The following DIAPH3 variants were observed in gnomAD, a reference collection of about 807,000 sequenced individuals.
DIAPH3 encodes protein diaphanous homolog 3.
In DIAPH3, 117 loss-of-function variants were observed where a neutral mutation model predicts 144.3. That is an observed-to-expected ratio of 0.81 (90% CI 0.70 to 0.95). DIAPH3 has a LOEUF of 0.95. Among genes scored for constraint, DIAPH3 ranks in the 40% least tolerant of loss-of-function variants. The pLI is 0.00. For missense variants in DIAPH3, 1,421 were observed against 1,412.7 expected (o/e 1.01, Z -0.09); for synonymous variants, 519 against 488.9 (o/e 1.06, Z -0.81).
chr13:59,820,269 G>A (rs2040994679), intron 24 of DIAPH3, among the ~76,000 whole-genome samples: 1 of 151,928 alleles, frequency 6.6e-6, no homozygotes, highest in African/African-American at 2.4e-5. Context: ...GAGCTGATCA[G>A]GAGTAAAATG....
chr13:60,126,843 A>G (rs529426459), intron 2 of DIAPH3, among the ~76,000 whole-genome samples: 8 of 152,296 alleles, frequency 5.3e-5, no homozygotes, highest in South Asian at 2.1e-4. Context: ...ATTCAATTCA[A>G]TAAAATTTTG....
chr13:59,976,328 T>C (rs1303393901), intron 14 of DIAPH3, among the ~76,000 whole-genome samples: 1 of 151,970 alleles, frequency 6.6e-6, no homozygotes, highest in Non-Finnish European at 1.5e-5. Context: ...GCTATTTCAA[T>C]ATCATAGCCA....
At chr13:60,088,617 T>C (rs2057829660) in intron 4 of DIAPH3, among the ~76,000 whole-genome samples, 8 of 152,078 alleles carry the variant, frequency 5.3e-5, no homozygotes, top group African/African-American at 2.4e-5. Context: ...ATAATGTATG[T>C]TTATTTTTGA....
intron 14 of DIAPH3, among the ~76,000 whole-genome samples, chr13:59,975,498 T>C (rs1740607222): frequency 6.6e-6 from 1 of 151,954 alleles, no homozygotes; most frequent in Non-Finnish European, 1.5e-5. Context: ...AATTAACGTT[T>C]AGATAATGCT....
chr13:59,913,333 C>T (rs745695326), intron 19 of DIAPH3, among the ~76,000 whole-genome samples: 1 of 152,160 alleles, frequency 6.6e-6, no homozygotes, highest in African/African-American at 2.4e-5. Context: ...CCACACCCTT[C>T]GCAAATCTTA....
intron 17 of DIAPH3, among the ~76,000 whole-genome samples, chr13:59,966,329 T>A (rs2050049805): frequency 6.6e-6 from 1 of 152,092 alleles, no homozygotes; most frequent in Non-Finnish European, 1.5e-5. Flanking sequence ...AGCCAAGCCC[T>A]TACCAAGAAT....
At chr13:60,077,549 G>A (rs1033842937) in intron 4 of DIAPH3, among the ~76,000 whole-genome samples, 4 of 152,018 alleles carry the variant, frequency 2.6e-5, no homozygotes, top group African/African-American at 9.7e-5. Context: ...GTTGCCATAA[G>A]AAAGTATGAC....
At position 60,034,606 on chromosome 13, in the gene DIAPH3, T is replaced by C. The variant is rs553509727; in HGVS notation, c.626+8084A>G. On this transcript the variant is annotated intron_variant, in intron 5 of 27. Transcript: ENST00000400324. ...CACCTCTCCTTGGGCAATTTGGTGATCTGCCGTGCTCAGGAGGTCACCATA... is the reference window on the plus strand; with the variant it reads ...CACCTCTCCTTGGGCAATTTGGTGACCTGCCGTGCTCAGGAGGTCACCATA... The C allele has an allele frequency of 3.3e-5, 5 of 152,292 alleles. No homozygotes were observed. In the South Asian group the frequency reaches 1.0e-3, roughly 32 times the overall value. 9.4% of individuals were successfully genotyped at this position (152,292 alleles called of 1,614,324 possible).
At chr13:60,011,554 TTC>T (rs2053268600) in intron 7 of DIAPH3, among the ~76,000 whole-genome samples, 2 of 152,224 alleles carry the variant, frequency 1.3e-5, no homozygotes, top group Admixed American at 1.3e-4. Flanking sequence ...GACATTTCAC[TTC>T]TTTTTCTTCC....
chr13:59,755,545 T>TA (rs757092543), intron 27 of DIAPH3, among the ~76,000 whole-genome samples: 3 of 151,706 alleles, frequency 2.0e-5, no homozygotes, highest in African/African-American at 4.8e-5. Context: ...CCACACTGAT[T>TA]AAAAAAAGAG....
intron 25 of DIAPH3, among the ~76,000 whole-genome samples, chr13:59,799,596 T>G (rs962127053): frequency 6.6e-6 from 1 of 152,230 alleles, no homozygotes; most frequent in African/African-American, 2.4e-5. Context: ...TTGACATATG[T>G]CATATCTTGT....
intron 27 of DIAPH3, among the ~76,000 whole-genome samples, chr13:59,730,388 A>C (rs1297929113): frequency 6.6e-6 from 1 of 152,196 alleles, no homozygotes; most frequent in East Asian, 1.9e-4. Flanking sequence ...ATTATAAAGG[A>C]AAAGTGTAGC....
At chr13:60,002,182 A>T (rs1362891231) in intron 9 of DIAPH3, among the ~76,000 whole-genome samples, 3 of 152,184 alleles carry the variant, frequency 2.0e-5, no homozygotes, top group Non-Finnish European at 4.4e-5. Flanking sequence ...GGATTATGGG[A>T]TTTGTTCAGC....
intron 17 of DIAPH3, among the ~76,000 whole-genome samples, chr13:59,929,546 A>ATT (rs1566531763): frequency 8.1e-6 from 1 of 123,900 alleles, no homozygotes; most frequent in African/African-American, 3.2e-5. Flanking sequence ...CCATATCTAA[A>ATT]TTTTGTTCTT....
At chr13:60,044,701 T>A (rs1464425559) in intron 4 of DIAPH3, among the ~76,000 whole-genome samples, 1 of 152,216 alleles carries the variant, frequency 6.6e-6, no homozygotes, top group Non-Finnish European at 1.5e-5. Flanking sequence ...AGAATATTAA[T>A]ATATTTGCAT....
At chr13:59,905,740 T>C (rs373197457) in intron 20 of DIAPH3, among the ~76,000 whole-genome samples, 1 of 151,892 alleles carries the variant, frequency 6.6e-6, no homozygotes, top group African/African-American at 2.4e-5. Context: ...AGCAGGAGGG[T>C]CAGAGAAGGG....
At chr13:60,116,972 A>G (rs771812245) in intron 2 of DIAPH3, among the ~76,000 whole-genome samples, 16 of 152,072 alleles carry the variant, frequency 1.1e-4, no homozygotes, top group Non-Finnish European at 2.1e-4. Context: ...CTGTATGTCT[A>G]AAAAATAAAA....
At chr13:59,749,336 C>T (rs1245895445) in intron 27 of DIAPH3, among the ~76,000 whole-genome samples, 3 of 148,294 alleles carry the variant, frequency 2.0e-5, no homozygotes, top group African/African-American at 7.5e-5. Flanking sequence ...CTGGCTAACA[C>T]AGTGAAACCC....
intron 15 of DIAPH3, among the ~76,000 whole-genome samples, chr13:59,973,303 G>A (rs942425432): frequency 6.6e-6 from 1 of 151,834 alleles, no homozygotes; most frequent in Non-Finnish European, 1.5e-5. Context: ...TTAAATTTAC[G>A]TTACCCCAGA....
Sources: gnomAD v4.1 joint callset for allele counts (sites outside exome capture counted in the v4.1 genomes callset) on GRCh38, gnomAD v4.1.1 for gene constraint, MANE v1.5 for transcripts, NCBI Gene and HGNC (gene_info 2026-07-23, HGNC 2026-07-21) for gene names.